Variants in SS18 observed in about 807,000 individuals in gnomAD.
SS18 encodes protein SSXT.
Under a neutral mutation model 72.5 loss-of-function variants are expected in SS18, and 28 were observed. That is an observed-to-expected ratio of 0.39 (90% confidence interval 0.29 to 0.53). SS18 has a LOEUF of 0.53. Ranked by LOEUF, SS18 falls within the 20% of genes least tolerant of loss-of-function variation. The probability of loss-of-function intolerance (pLI) is 0.76; values close to 1 mark genes in which losing one functional copy is unlikely to be tolerated. For missense variants in SS18, 518 were observed against 535.3 expected (o/e 0.97, Z 0.32); for synonymous variants, 172 against 164.2 (o/e 1.05, Z -0.37).
intron 1 of SS18, chr18:26,089,903 GGAA>G (rs1005097737): frequency 9.2e-5 from 14 of 152,464 alleles, no homozygotes; most frequent in Admixed American, 8.5e-4. Flanking sequence ...GATGCAGAAG[GGAA>G]GAAGAGGCTC....
intron 3 of SS18, among the ~76,000 whole-genome samples, chr18:26,065,218 A>T (rs1463480103): frequency 6.6e-6 from 1 of 152,182 alleles, no homozygotes; most frequent in East Asian, 1.9e-4. Flanking sequence ...TTGCAGACTC[A>T]CAAGCCAATT....
intron 2 of SS18, among the ~76,000 whole-genome samples, chr18:26,083,013 G>A (rs2054553768): frequency 6.6e-6 from 1 of 152,062 alleles, no homozygotes. Flanking sequence ...CTCCTACAAT[G>A]AGAAACAAGA....
intron 2 of SS18, among the ~76,000 whole-genome samples, chr18:26,086,738 C>T (rs955586478): frequency 1.2e-4 from 19 of 152,200 alleles, no homozygotes; most frequent in Non-Finnish European, 1.5e-5. Context: ...GAATGACAAT[C>T]AGTTCTCTAT....
intron 2 of SS18, among the ~76,000 whole-genome samples, chr18:26,087,267 T>C (rs2054631477): frequency 6.6e-6 from 1 of 152,220 alleles, no homozygotes; most frequent in Admixed American, 6.5e-5. Flanking sequence ...GGGTGGGGGA[T>C]AGTGACTGCC....
At position 26,035,351 on chromosome 18, in the gene SS18, G is replaced by A. The variant is rs902570300; in HGVS notation, c.974-224C>T. On this transcript the variant is annotated intron_variant, in intron 8 of 10. Transcript: ENST00000415083. The surrounding 1 kb of genome is among the most constrained non-coding windows in gnomAD (Gnocchi z 4.4). The stretch of plus-strand genomic sequence containing the variant: ...AAGGTTGAACTGCAGCATTTTCAGC[G>A]TCTCTGCCATACGAGCATTACATTT... The A allele has an allele frequency of 2.1e-6, 1 of 474,566 alleles. No homozygotes were observed. The highest frequency in any genetic ancestry group is 3.8e-5 in the East Asian group (1 of 26,326). The allele number at this position is 474,566 out of a possible 1,614,324, so 29.4% of individuals were successfully genotyped here.
intron 1 of SS18, chr18:26,090,070 TG>T (rs2054691413): frequency 5.8e-6 from 1 of 171,984 alleles, no homozygotes; most frequent in Non-Finnish European, 1.2e-5. Context: ...CCCCTCTGCC[TG>T]CCGCGACCCG....
At chr18:26,025,911 C>T (rs547209282) in intron 10 of SS18, among the ~76,000 whole-genome samples, 1 of 152,056 alleles carries the variant, frequency 6.6e-6, no homozygotes, top group African/African-American at 2.4e-5. Flanking sequence ...ACAGATGTTC[C>T]TTGACTTGCC....
chr18:26,035,040 C>G lies in SS18; in HGVS notation c.1061G>C (p.Gly354Ala). 6.2e-7 allele frequency: 1 copy of G among 1,613,250 alleles called. No individual in the cohort carries two copies. The highest frequency in any genetic ancestry group is 1.3e-5 in the African/African-American group (1 of 74,830). The change falls in exon 9 of 11, where the codon GGG becomes GCG. Residue 354 changes from glycine to alanine, a missense_variant. Physicochemically the swap from Gly to Ala is moderately conservative, Grantham distance 60 (BLOSUM62 0). Coordinates refer to ENST00000415083, the MANE Select transcript of SS18 (RefSeq NM_001007559.3). This position sits in a 1 kb window ranked among gnomAD's most constrained non-coding sequence, Gnocchi z 4.4. Reference sequence around the variant, plus strand: ...CTGCTGTCCTGGGTAACCTTGCTGCCCTGGGTACTGCTGCTGCTGGGGTGG... The same window carrying G: ...CTGCTGTCCTGGGTAACCTTGCTGCGCTGGGTACTGCTGCTGCTGGGGTGG... ...GYPPQQQQYPGQQGYPGQQQG... is the reference protein window; with the variant it reads ...GYPPQQQQYPAQQGYPGQQQG...
chr18:26,090,828 G>T (rs540426555), upstream of SS18: 5 of 563,548 alleles, frequency 8.9e-6, no homozygotes, highest in Admixed American at 1.7e-4. Context: ...CTCTCCTTAT[G>T]GGCACCCCCT....
chr18:26,027,355 A>G (rs979922833), intron 10 of SS18, among the ~76,000 whole-genome samples: 2 of 152,012 alleles, frequency 1.3e-5, no homozygotes, highest in Admixed American at 1.3e-4. Flanking sequence ...CAGTAGGTAA[A>G]AGAGAGTTTT....
intron 5 of SS18, among the ~76,000 whole-genome samples, chr18:26,050,730 C>T (rs1328312855): frequency 1.1e-4 from 17 of 151,520 alleles, no homozygotes; most frequent in Admixed American, 1.1e-3. Flanking sequence ...CCGGTGAAAC[C>T]CTGTCTCTAC....
At chr18:26,038,024 A>G (rs1393263928) in intron 7 of SS18, among the ~76,000 whole-genome samples, 1 of 152,168 alleles carries the variant, frequency 6.6e-6, no homozygotes, top group Admixed American at 6.5e-5. Context: ...CTATATGGCT[A>G]TATTATGGAT....
Position 26,039,373 on chromosome 18 carries a change from G to A in SS18, c.691C>T (p.Pro231Ser), listed in dbSNP as rs1325921708. The change falls in exon 6 of 11, where the codon CCT becomes TCT. Residue 231 changes from proline to serine, a missense_variant. Coordinates refer to ENST00000415083, the MANE Select transcript of SS18 (RefSeq NM_001007559.3). ...TTAACTTGACCCATCATTCCCATAG[G>A]TGGCTGCTGTCCTTGGTAATGCTGT... ...GGQHYQGQQP[P>S]MGMMGQVNQG... 1.2e-6 allele frequency: 2 copies of A among 1,613,810 alleles called. No homozygotes were observed. Among genetic ancestry groups the A allele is most frequent in the Admixed American group, 3.3e-5 (2 of 59,984 alleles).
At position 26,018,091 on chromosome 18, in the gene SS18, A is replaced by T. The variant is rs2053280223; in HGVS notation, c.*263T>A. On this transcript the variant is annotated 3_prime_UTR_variant, in exon 11 of 11. Coordinates refer to ENST00000415083, the MANE Select transcript of SS18 (RefSeq NM_001007559.3). The stretch of plus-strand genomic sequence containing the variant: ...CCATTTGAAACACAGTTCCAAAATC[A>T]TTACAAATTGGTTATGTCATTGCAT... 1 of 355,998 alleles carries T rather than the reference A, an allele frequency of 2.8e-6. No homozygotes were observed. Among genetic ancestry groups the T allele is most frequent in the African/African-American group, 2.1e-5 (1 of 47,894 alleles). 22.1% of individuals were successfully genotyped at this position (355,998 alleles called of 1,614,324 possible).
intron 3 of SS18, among the ~76,000 whole-genome samples, chr18:26,064,519 C>T (rs1213217041): frequency 1.3e-5 from 2 of 150,852 alleles, no homozygotes; most frequent in Non-Finnish European, 2.9e-5. Flanking sequence ...AAGTAAAATC[C>T]ATATAATCAT....
intron 3 of SS18, among the ~76,000 whole-genome samples, chr18:26,072,728 A>C (rs906169213): frequency 7.3e-6 from 1 of 136,658 alleles, no homozygotes; most frequent in Non-Finnish European, 1.5e-5. Context: ...ACCCAAGAGG[A>C]GGAGCTTGCA....
At chr18:26,034,353 A>G (rs945592592) in intron 9 of SS18, among the ~76,000 whole-genome samples, 1 of 152,182 alleles carries the variant, frequency 6.6e-6, no homozygotes, top group Non-Finnish European at 1.5e-5. Context: ...CCTGAGAGTT[A>G]AGACTGAAAT....
At chr18:26,028,899 G>A (rs997110347) in intron 10 of SS18, among the ~76,000 whole-genome samples, 7 of 152,114 alleles carry the variant, frequency 4.6e-5, no homozygotes, top group Non-Finnish European at 1.0e-4. Context: ...ATTACATGCA[G>A]TTTAATGGTA....
chr18:26,090,611 G>A lies in SS18; in HGVS notation c.-42C>T, dbSNP rs374938234. 50 of 1,546,286 alleles carry A rather than the reference G, an allele frequency of 3.2e-5. 1 individual carries two copies. The African/African-American group carries it at 5.9e-4, about 18-fold the overall frequency. ...CTATCGGCAAGTCCCGAGCGCTCCG[G>A]GTGAACGGCAAACTGGGGGAGAGAC... On this transcript the variant is annotated 5_prime_UTR_variant, in exon 1 of 11. Transcript: ENST00000415083.
Sources: allele counts gnomAD v4.1 joint callset (sites outside exome capture counted in the v4.1 genomes callset), GRCh38; gene constraint gnomAD v4.1.1; non-coding constraint Gnocchi (gnomAD v3.1); transcripts MANE v1.5; gene names NCBI Gene and HGNC (gene_info 2026-07-23, HGNC 2026-07-21).